Variants in SND1 observed in about 807,000 individuals in gnomAD.
SND1 encodes staphylococcal nuclease and tudor domain containing 1.
A neutral mutation model predicts 121.7 loss-of-function variants in SND1; 38 were observed. That is an observed-to-expected ratio of 0.31 (90% CI 0.24 to 0.41). The LOEUF is 0.41. Among genes scored for constraint, SND1 ranks in the 10% least tolerant of loss-of-function variants. The pLI is 1.00. For synonymous variants in SND1, 401 were observed against 447.4 expected (o/e 0.90, Z 1.31); for missense variants, 868 against 1,184.6 (o/e 0.73, Z 3.92).
intron 22 of SND1, among the ~76,000 whole-genome samples, chr7:128,090,744 G>A (rs188389277): frequency 1.3e-5 from 2 of 152,226 alleles, no homozygotes; most frequent in East Asian, 3.9e-4. Flanking sequence ...GTCGGTGGCT[G>A]TGCAGGCTGA....
intron 10 of SND1, among the ~76,000 whole-genome samples, chr7:127,756,382 T>A (rs1486794054): frequency 6.6e-6 from 1 of 152,232 alleles, no homozygotes; most frequent in Non-Finnish European, 1.5e-5. Flanking sequence ...TAAGATAAAC[T>A]GGGGCAGGAG....
chr7:127,796,385 A>T (rs1798027099), intron 10 of SND1, among the ~76,000 whole-genome samples: 1 of 152,102 alleles, frequency 6.6e-6, no homozygotes, highest in Admixed American at 6.5e-5. Flanking sequence ...TCAAAAATAA[A>T]TTTTTTAGAT....
intron 14 of SND1, among the ~76,000 whole-genome samples, chr7:127,924,944 T>C (rs1219873019): frequency 6.6e-6 from 1 of 152,202 alleles, no homozygotes; most frequent in Non-Finnish European, 1.5e-5. Flanking sequence ...TTATAACCTT[T>C]GCTTCTCTGC....
At chr7:127,981,145 T>C (rs1018357053) in intron 15 of SND1, among the ~76,000 whole-genome samples, 11 of 152,196 alleles carry the variant, frequency 7.2e-5, no homozygotes, top group African/African-American at 2.7e-4. Flanking sequence ...TTGAGCCATG[T>C]AGGAGCTTTC....
chr7:127,914,540 G>A (rs1437292856), intron 14 of SND1, among the ~76,000 whole-genome samples: 1 of 152,026 alleles, frequency 6.6e-6, no homozygotes, highest in Non-Finnish European at 1.5e-5. Context: ...TTCCTTACTA[G>A]TTTCTAAACT....
intron 9 of SND1, among the ~76,000 whole-genome samples, chr7:127,709,637 A>T (rs1488732741): frequency 6.6e-6 from 1 of 152,208 alleles, no homozygotes; most frequent in Non-Finnish European, 1.5e-5. Flanking sequence ...TTCCATTTTC[A>T]AAAATCTAGG....
At chr7:127,986,009 C>T (rs1802379429) in intron 15 of SND1, among the ~76,000 whole-genome samples, 1 of 152,212 alleles carries the variant, frequency 6.6e-6, no homozygotes, top group Admixed American at 6.5e-5. Context: ...GGGAAGCTGT[C>T]ACATACTTCC....
At chr7:127,947,609 G>A (rs928473197) in intron 15 of SND1, among the ~76,000 whole-genome samples, 3 of 152,150 alleles carry the variant, frequency 2.0e-5, no homozygotes, top group Admixed American at 6.5e-5. Flanking sequence ...ACAGAGGCAC[G>A]GATGGCAACT....
rs534006632 is a variant in SND1 at position 127,780,142 on chromosome 7, A to C, written c.1153-27342A>C. Among the ~76,000 whole-genome samples the C allele has an allele frequency of 2.6e-4, 40 of 152,336 alleles. No individual in the cohort carries two copies. The Middle Eastern group carries it at 0.01, about 39-fold the overall frequency. Reference sequence around the variant, plus strand: ...AAGAGGTCCATTCCTACCCTGAAGCAATAGCAATTTCAGGAATTGTTGTTT... The same window carrying C: ...AAGAGGTCCATTCCTACCCTGAAGCCATAGCAATTTCAGGAATTGTTGTTT... On this transcript the variant is annotated intron_variant, in intron 10 of 23. Coordinates refer to ENST00000354725, the MANE Select transcript of SND1 (RefSeq NM_014390.4).
intron 12 of SND1, among the ~76,000 whole-genome samples, chr7:127,853,201 A>G (rs1799205294): frequency 6.6e-6 from 1 of 151,980 alleles, no homozygotes; most frequent in African/African-American, 2.4e-5. Context: ...TTCCAGGATT[A>G]TTTTGCAAGT....
intron 12 of SND1, among the ~76,000 whole-genome samples, chr7:127,847,415 A>T (rs1799085825): frequency 6.6e-6 from 1 of 152,262 alleles, no homozygotes; most frequent in South Asian, 2.1e-4. Context: ...ATGGTGATTT[A>T]TAAACACTAG....
At chr7:127,784,386 T>C (rs1437950893) in intron 10 of SND1, among the ~76,000 whole-genome samples, 1 of 152,208 alleles carries the variant, frequency 6.6e-6, no homozygotes, top group African/African-American at 2.4e-5. Flanking sequence ...TTTTGAACTC[T>C]CCATTCTTTT....
chr7:127,913,261 T>TTAAA (rs2116783392), intron 14 of SND1, among the ~76,000 whole-genome samples: 1 of 152,292 alleles, frequency 6.6e-6, no homozygotes, highest in East Asian at 1.9e-4. Context: ...ATCAGGAAAC[T>TTAAA]TTCTGCCATA....
chr7:128,022,129 C>T (rs751404161), intron 16 of SND1, among the ~76,000 whole-genome samples: 21 of 144,294 alleles, frequency 1.5e-4, no homozygotes, highest in Non-Finnish European at 2.7e-4. Flanking sequence ...CGCTTGAACC[C>T]GGGAGGCGGA....
chr7:127,823,014 A>G lies in SND1; in HGVS notation c.1242+15441A>G, dbSNP rs574532783. Among the ~76,000 whole-genome samples the G allele has an allele frequency of 1.4e-4, 21 of 152,360 alleles. No homozygotes were observed. In the South Asian group the frequency reaches 4.3e-3, roughly 32 times the overall value. On this transcript the variant is annotated intron_variant, in intron 11 of 23. Coordinates refer to ENST00000354725, the MANE Select transcript of SND1 (RefSeq NM_014390.4). ...GGCACATTGTAAGAGCGTAATCGAT[A>G]ACAGCAAACTACTGAGTCAGGGTTT...
intron 16 of SND1, among the ~76,000 whole-genome samples, chr7:128,053,405 G>A (rs983318952): frequency 6.6e-6 from 1 of 152,138 alleles, no homozygotes; most frequent in Admixed American, 6.5e-5. Context: ...GAGATGCTGT[G>A]AGCTAATTCT....
chr7:127,698,453 A>T (rs1345465077), intron 3 of SND1, among the ~76,000 whole-genome samples: 2 of 152,152 alleles, frequency 1.3e-5, no homozygotes, highest in East Asian at 3.9e-4. Context: ...CACTTTAGAG[A>T]TGAGTAAATT....
Position 127,698,955 on chromosome 7 carries a change from TA to T in SND1, c.428+4del. 1 of 1,610,928 alleles carries T rather than the reference TA, an allele frequency of 6.2e-7. No individual in the cohort carries two copies. Among genetic ancestry groups the T allele is most frequent in the Non-Finnish European group, 8.5e-7 (1 of 1,177,246 alleles). On this transcript the variant is annotated splice_donor_region_variant and intron_variant, in intron 4 of 23. Transcript: ENST00000354725. ...GAGAGAAGGCATGAGAGCTAATAAG[TA>T]AGTATTCATTACTCCGCTGTCTCTC...
At chr7:127,950,250 T>G (rs1407388947) in intron 15 of SND1, among the ~76,000 whole-genome samples, 1 of 152,092 alleles carries the variant, frequency 6.6e-6, no homozygotes, top group Non-Finnish European at 1.5e-5. Context: ...AATTACGAAA[T>G]ATTCATTGTA....
Sources: allele counts gnomAD v4.1 joint callset (sites outside exome capture counted in the v4.1 genomes callset), GRCh38; gene constraint gnomAD v4.1.1; transcripts MANE v1.5; gene names NCBI Gene and HGNC (gene_info 2026-07-23, HGNC 2026-07-21).